Variants in SESN3 observed in about 807,000 individuals in gnomAD.
SESN3 encodes sestrin 3.
A neutral mutation model predicts 55.3 loss-of-function variants in SESN3; 21 were observed. The observed-to-expected ratio is 0.38, with a 90% CI of 0.27 to 0.55. The LOEUF (loss-of-function observed/expected upper bound fraction) is 0.55. SESN3 is among the 20% of genes least tolerant of loss of function. SESN3 has a pLI of 0.76. For synonymous variants in SESN3, 181 were observed against 203.1 expected, an observed-to-expected ratio of 0.89 and a Z score of 0.93; for missense variants, 408 against 604.3, an observed-to-expected ratio of 0.68 and a Z score of 3.41.
At chr11:95,188,434 A>G (rs1044414373) in intron 4 of SESN3, among the ~76,000 whole-genome samples, 1 of 151,780 alleles carries the variant, frequency 6.6e-6, no homozygotes, top group Non-Finnish European at 1.5e-5. Flanking sequence ...GAGTACCATA[A>G]CATAACCCTG....
chr11:95,197,693 G>C (rs1235688619), intron 1 of SESN3, among the ~76,000 whole-genome samples: 1 of 151,958 alleles, frequency 6.6e-6, no homozygotes, highest in Non-Finnish European at 1.5e-5. Flanking sequence ...TCAAGTCAAT[G>C]TTCTCTTCTA....
chr11:95,184,378 G>C, intron 6 of SESN3, 42 bp downstream of exon 6: 1 of 1,571,768 alleles, frequency 6.4e-7, no homozygotes, highest in Non-Finnish European at 8.7e-7. Context: ...CCCTGTCAGG[G>C]TTCTAAGAAC....
In SESN3 at chr11:95,168,786, G is replaced by A. The variant is rs1169385872; in HGVS notation, c.*4469C>T. 6.6e-6 allele frequency: 1 copy of A among 152,516 alleles called. No individual in the cohort carries two copies. Among genetic ancestry groups the A allele is most frequent in the Admixed American group, 6.5e-5 (1 of 15,288 alleles). The allele number at this position is 152,516 out of a possible 1,614,324, so 9.4% of individuals were successfully genotyped here. A position where few individuals can be genotyped will look rare whatever the true frequency, so the allele number is the denominator to read the frequency against. On this transcript the variant is annotated 3_prime_UTR_variant, in exon 10 of 10. Transcript: ENST00000536441. ...AGTAAATGCTGGTGACTTATCAGCGGGTGGCTGGTGATGTTTGGTTTGGAT... is the reference window on the plus strand; with the variant it reads ...AGTAAATGCTGGTGACTTATCAGCGAGTGGCTGGTGATGTTTGGTTTGGAT...
At chr11:95,219,667 A>G (rs917179719) in intron 1 of SESN3, among the ~76,000 whole-genome samples, 1 of 152,118 alleles carries the variant, frequency 6.6e-6, no homozygotes, top group Non-Finnish European at 1.5e-5. Context: ...ACTCCTACCT[A>G]AATATTGGAT....
chr11:95,204,454 A>C (rs1271181542), intron 1 of SESN3, among the ~76,000 whole-genome samples: 1 of 152,010 alleles, frequency 6.6e-6, no homozygotes, highest in African/African-American at 2.4e-5. Flanking sequence ...ATTTTTTTAA[A>C]CCTCTGTTAT....
chr11:95,229,207 T>G (rs1012808652), intron 1 of SESN3, among the ~76,000 whole-genome samples: 2 of 152,138 alleles, frequency 1.3e-5, no homozygotes, highest in African/African-American at 4.8e-5. Context: ...AAGAAATAAA[T>G]TTTTTTGAAA....
chr11:95,186,782 A>G (rs1362229977), intron 4 of SESN3, among the ~76,000 whole-genome samples: 2 of 151,898 alleles, frequency 1.3e-5, no homozygotes, highest in African/African-American at 2.4e-5. Context: ...CAAAAATATC[A>G]TTATTATAAT....
intron 6 of SESN3, among the ~76,000 whole-genome samples, chr11:95,180,691 T>C (rs549788522): frequency 6.6e-6 from 1 of 151,644 alleles, no homozygotes; most frequent in East Asian, 1.9e-4. Flanking sequence ...GTGTAGATGT[T>C]TAAGTATAAG....
At position 95,168,741 on chromosome 11, in the gene SESN3, G is replaced by C. The variant is rs938972412; in HGVS notation, c.*4514C>G. 2 of 152,368 alleles carry C rather than the reference G, an allele frequency of 1.3e-5. No homozygotes were observed. Among genetic ancestry groups the C allele is most frequent in the African/African-American group, 4.8e-5 (2 of 41,452 alleles). 9.4% of individuals were successfully genotyped at this position (152,368 alleles called of 1,614,324 possible). A position where few individuals can be genotyped will look rare whatever the true frequency, so the allele number is the denominator to read the frequency against. On this transcript the variant is annotated 3_prime_UTR_variant, in exon 10 of 10. Coordinates refer to ENST00000536441, the MANE Select transcript of SESN3 (RefSeq NM_144665.4). ...GATGAATCCATAGTCTCAATGAATG[G>C]AGAAAAAGTAACTCAGGAAAGTAAA... is the stretch of plus-strand genomic sequence containing the variant.
chr11:95,168,158 G>A lies in SESN3; in HGVS notation c.*5097C>T, dbSNP rs1375436538. On this transcript the variant is annotated 3_prime_UTR_variant, in exon 10 of 10. Coordinates refer to ENST00000536441, the MANE Select transcript of SESN3 (RefSeq NM_144665.4). The stretch of plus-strand genomic sequence containing the variant: ...CATTCTATTAGAAATGTGTTTCAAG[G>A]CCCAAACACCACCAATAAAACAAAT... 1 of 152,016 alleles carries A rather than the reference G, an allele frequency of 6.6e-6. No individual in the cohort carries two copies. Among genetic ancestry groups the A allele is most frequent in the African/African-American group, 2.4e-5 (1 of 41,392 alleles). 9.4% of individuals were successfully genotyped at this position (152,016 alleles called of 1,614,324 possible).
At chr11:95,214,152 AG>A (rs1293327782) in intron 1 of SESN3, among the ~76,000 whole-genome samples, 1 of 152,190 alleles carries the variant, frequency 6.6e-6, no homozygotes, top group Non-Finnish European at 1.5e-5. Flanking sequence ...TCCTCACAGA[AG>A]GATAGAAAAA....
upstream of SESN3, chr11:95,232,017 A>G (rs1744454483): frequency 6.6e-6 from 1 of 152,260 alleles, no homozygotes; most frequent in Non-Finnish European, 1.5e-5. Flanking sequence ...GTCCAGCACT[A>G]AAAGGCCAAA....
chr11:95,229,513 T>C (rs575479938), intron 1 of SESN3, among the ~76,000 whole-genome samples: 1 of 138,588 alleles, frequency 7.2e-6, no homozygotes, highest in African/African-American at 2.6e-5. Flanking sequence ...TCAAATAAAA[T>C]AGGAAGAAAA....
At chr11:95,186,989 A>T (rs1237626423) in intron 4 of SESN3, among the ~76,000 whole-genome samples, 1 of 151,878 alleles carries the variant, frequency 6.6e-6, no homozygotes, top group Non-Finnish European at 1.5e-5. Context: ...ATATAGTTAC[A>T]ACCACACATA....
chr11:95,215,989 T>G (rs1044195649), intron 1 of SESN3, among the ~76,000 whole-genome samples: 1 of 151,506 alleles, frequency 6.6e-6, no homozygotes, highest in Non-Finnish European at 1.5e-5. Context: ...TCCCAGCTAC[T>G]TGGGAGGCTG....
intron 2 of SESN3, 55 bp downstream of exon 2, chr11:95,193,402 A>G: frequency 9.8e-7 from 1 of 1,023,144 alleles, no homozygotes; most frequent in Non-Finnish European, 1.5e-6. Flanking sequence ...ATTCTTTGAT[A>G]CAGTTAAGTT....
chr11:95,177,805 A>G lies in SESN3; in HGVS notation c.1161T>C (p.Tyr387=), dbSNP rs142438341. ...CATCCTCATGGGTGGCCATAGTGTT[A>G]TATGTGAGATTGTAGACCATCCGAA... The part of the protein sequence containing the change: ...EKFRMVYNLT[Y]NTMATHEDVD... The change falls in exon 8 of 10, where the codon TAT becomes TAC. Residue 387 remains tyrosine, a synonymous_variant. Coordinates refer to ENST00000536441, the MANE Select transcript of SESN3 (RefSeq NM_144665.4). 3.7e-4 allele frequency: 600 copies of G among 1,608,378 alleles called. 1 individual carries two copies. The highest frequency in any genetic ancestry group is 4.7e-4 in the Non-Finnish European group (555 of 1,178,292).
intron 1 of SESN3, chr11:95,224,333 A>G: frequency 2.9e-6 from 1 of 341,986 alleles, no homozygotes; most frequent in Non-Finnish European, 5.7e-6. Context: ...GATTTTACCC[A>G]TATATGATTC....
intron 1 of SESN3, among the ~76,000 whole-genome samples, chr11:95,214,962 T>C (rs72981772): frequency 0.023 from 3,578 of 152,274 alleles, 66 homozygotes; most frequent in Non-Finnish European, 0.033. Context: ...ATAAGACATA[T>C]TTTTCTTACA....
Sources: gnomAD v4.1 joint callset for allele counts (sites outside exome capture counted in the v4.1 genomes callset) on GRCh38, gnomAD v4.1.1 for gene constraint, MANE v1.5 for transcripts, NCBI Gene and HGNC (gene_info 2026-07-23, HGNC 2026-07-21) for gene names.